Variants in KPNA1 observed in about 807,000 individuals in gnomAD.
KPNA1 encodes the protein karyopherin subunit alpha 1.
A neutral mutation model predicts 70.5 loss-of-function variants in KPNA1; 10 were observed. The ratio of observed to expected loss-of-function variants is 0.14; its 90% CI spans 0.09 to 0.24. The LOEUF (loss-of-function observed/expected upper bound fraction) is 0.24. KPNA1 is among the 10% of genes least tolerant of loss of function. The pLI, the probability that KPNA1 is intolerant of heterozygous loss-of-function variation, is 1.00. For synonymous variants in KPNA1, 192 were observed against 221.9 expected (o/e 0.87, Z 1.20); for missense variants, 397 against 637.9 (o/e 0.62, Z 4.07).
intron 2 of KPNA1, 88 bp from the exon 3 acceptor site, chr3:122,467,517 T>C (rs957538793): frequency 7.5e-6 from 5 of 665,674 alleles, no homozygotes; most frequent in Non-Finnish European, 1.2e-5. Flanking sequence ...CCATTCAAAG[T>C]GAAGTCTTTG....
intron 6 of KPNA1, among the ~76,000 whole-genome samples, chr3:122,452,324 A>G (rs1417310462): frequency 6.6e-6 from 1 of 151,756 alleles, no homozygotes; most frequent in Admixed American, 6.6e-5. Flanking sequence ...ATGGAGTGCA[A>G]CACAGTGAAA....
chr3:122,482,893 G>C (rs1188015020), intron 2 of KPNA1: 1 of 151,794 alleles, frequency 6.6e-6, no homozygotes, highest in East Asian at 1.9e-4. Context: ...GGGAGGACGG[G>C]ATGGGACGGG....
chr3:122,430,604 TTG>T (rs1466173894), intron 12 of KPNA1, among the ~76,000 whole-genome samples: 12 of 125,130 alleles, frequency 9.6e-5, no homozygotes, highest in Admixed American at 3.1e-4. Flanking sequence ...AACTGTGTGT[TTG>T]TGTGTTTGGT....
chr3:122,486,964 A>C (rs2076636883), intron 2 of KPNA1, among the ~76,000 whole-genome samples: 1 of 152,194 alleles, frequency 6.6e-6, no homozygotes. Context: ...ACAGGAAGAG[A>C]ATCAAGCATT....
intron 10 of KPNA1, among the ~76,000 whole-genome samples, chr3:122,441,749 G>A (rs751912236): frequency 1.3e-5 from 2 of 152,110 alleles, no homozygotes; most frequent in Non-Finnish European, 2.9e-5. Context: ...ACAGGCGTGT[G>A]CAACCACGCC....
intron 5 of KPNA1, chr3:122,460,124 AG>A (rs765665824): frequency 4.1e-6 from 4 of 985,336 alleles, no homozygotes; most frequent in Non-Finnish European, 4.8e-6. Context: ...GCATAGTCTC[AG>A]GGCCCAAGCC....
At chr3:122,499,814 G>T (rs1259997381) in intron 1 of KPNA1, among the ~76,000 whole-genome samples, 1 of 151,434 alleles carries the variant, frequency 6.6e-6, no homozygotes, top group Admixed American at 6.6e-5. Context: ...GTCTTTGTCT[G>T]GCTTTGGTAT....
At position 122,426,813 on chromosome 3, in the gene KPNA1, C is replaced by T. The variant is rs1281243452; in HGVS notation, c.*172G>A. 2.7e-5 allele frequency: 14 copies of T among 524,726 alleles called. No homozygotes were observed. Among genetic ancestry groups the T allele is most frequent in the Middle Eastern group, 4.9e-4 (1 of 2,034 alleles). The allele number at this position is 524,726 out of a possible 1,614,324, so 32.5% of individuals were successfully genotyped here. A position where few individuals can be genotyped will look rare whatever the true frequency, so the allele number is the denominator to read the frequency against. On this transcript the variant is annotated 3_prime_UTR_variant, in exon 14 of 14. Coordinates refer to ENST00000344337, the MANE Select transcript of KPNA1 (RefSeq NM_002264.4). ...AGAAGGGTATTCCACCACAGAGAGC[C>T]GGAGGTTTTCCAGATGTGTGTAAGA...
chr3:122,432,148 CAATT>C (rs748690465), intron 12 of KPNA1, among the ~76,000 whole-genome samples: 17 of 152,150 alleles, frequency 1.1e-4, no homozygotes, highest in African/African-American at 3.1e-4. Context: ...AATATAGAGA[CAATT>C]AATAACTATA....
At position 122,467,352 on chromosome 3, in the gene KPNA1, C is replaced by A; in HGVS notation, c.207G>T (p.Glu69Asp). The A allele has an allele frequency of 6.2e-7, 1 of 1,604,590 alleles. No homozygotes were observed. Among genetic ancestry groups the A allele is most frequent in the Non-Finnish European group, 8.5e-7 (1 of 1,172,504 alleles). ...EEVMSDGGFH[E>D]AQISNMEMAP... ...CCATCTCCATGTTACTAATCTGAGC[C>A]TCATGAAAGCCTCCATCTGACATAA... The change falls in exon 3 of 14, where the codon GAG (glutamate) becomes GAT (aspartate). Residue 69 changes from glutamate to aspartate, a missense_variant. Transcript: ENST00000344337.
chr3:122,479,525 C>T (rs967093387), intron 2 of KPNA1, among the ~76,000 whole-genome samples: 21 of 151,920 alleles, frequency 1.4e-4, no homozygotes, highest in African/African-American at 4.1e-4. Context: ...TTTGGGAGGC[C>T]GAGGCAGGTG....
intron 12 of KPNA1, 54 bp from the exon 13 acceptor site, chr3:122,427,770 T>C (rs1421218694): frequency 6.5e-6 from 8 of 1,228,898 alleles, no homozygotes; most frequent in African/African-American, 3.1e-5. Context: ...GTTAAACTTA[T>C]GAAATTAGTG....
intron 5 of KPNA1, chr3:122,460,648 GAAA>G: frequency 5.2e-5 from 25 of 480,982 alleles, no homozygotes; most frequent in Non-Finnish European, 6.1e-5. Context: ...AGAAAAAGAA[GAAA>G]AAAAAAAAAA....
intron 11 of KPNA1, among the ~76,000 whole-genome samples, chr3:122,435,610 G>C (rs2075974632): frequency 6.6e-6 from 1 of 152,140 alleles, no homozygotes; most frequent in Non-Finnish European, 1.5e-5. Context: ...CATGAAGCCT[G>C]GCAGAAGGAC....
intron 1 of KPNA1, among the ~76,000 whole-genome samples, chr3:122,513,039 A>T (rs2076972398): frequency 6.6e-6 from 1 of 152,246 alleles, no homozygotes; most frequent in Non-Finnish European, 1.5e-5. Flanking sequence ...TATCCCCCCA[A>T]GTCTAGAAGA....
At chr3:122,438,482 G>C (rs567963717) in intron 10 of KPNA1, among the ~76,000 whole-genome samples, 2 of 152,102 alleles carry the variant, frequency 1.3e-5, no homozygotes, top group African/African-American at 4.8e-5. Context: ...CGCCTCCTGG[G>C]TTCAAGTAAT....
At chr3:122,440,207 A>T (rs967897906) in intron 10 of KPNA1, among the ~76,000 whole-genome samples, 2 of 152,130 alleles carry the variant, frequency 1.3e-5, no homozygotes, top group Admixed American at 1.3e-4. Flanking sequence ...TTACAATACA[A>T]TGTGATTAAT....
At chr3:122,508,436 A>G (rs559816171) in intron 1 of KPNA1, among the ~76,000 whole-genome samples, 1 of 152,320 alleles carries the variant, frequency 6.6e-6, no homozygotes, top group South Asian at 2.1e-4. Context: ...CAGCCATCAC[A>G]TGCCCAGATT....
chr3:122,469,058 A>G (rs2076413027), intron 2 of KPNA1, among the ~76,000 whole-genome samples: 2 of 152,222 alleles, frequency 1.3e-5, no homozygotes, highest in African/African-American at 4.8e-5. Context: ...TTTCCCCCAA[A>G]TTAGTATCAG....
Sources: gnomAD v4.1 joint callset for allele counts (sites outside exome capture counted in the v4.1 genomes callset) on GRCh38, gnomAD v4.1.1 for gene constraint, MANE v1.5 for transcripts, NCBI Gene and HGNC (gene_info 2026-07-23, HGNC 2026-07-21) for gene names.